The following LETM1 variants were observed in gnomAD, a reference collection of about 807,000 sequenced individuals.
LETM1 encodes the protein mitochondrial proton/calcium exchanger protein.
In LETM1, 50 loss-of-function variants were observed where a neutral mutation model predicts 74.5. The observed-to-expected ratio is 0.67, with a 90% CI of 0.53 to 0.85. The LOEUF is 0.85. Among genes scored for constraint, LETM1 ranks in the 40% least tolerant of loss-of-function variants. The pLI, the probability that LETM1 is intolerant of heterozygous loss-of-function variation, is 0.00. For synonymous variants in LETM1, 446 were observed against 407.1 expected, an observed-to-expected ratio of 1.10 and a Z score of -1.15; for missense variants, 824 against 967.8, an observed-to-expected ratio of 0.85 and a Z score of 1.97.
At chr4:1,829,747 G>A (rs1712202543) in intron 6 of LETM1, among the ~76,000 whole-genome samples, 1 of 152,182 alleles carries the variant, frequency 6.6e-6, no homozygotes, top group African/African-American at 2.4e-5. Flanking sequence ...TTGGGTCCAG[G>A]AGATCAAGGC....
chr4:1,833,952 G>A (rs1326580868), intron 5 of LETM1: 1 of 152,332 alleles, frequency 6.6e-6, no homozygotes, highest in South Asian at 2.1e-4. Flanking sequence ...AAGGCACGAT[G>A]TCCTGGGTGA....
Position 1,836,644 on chromosome 4 carries a change from C to T in LETM1, c.595-72G>A. 6.5e-7 allele frequency: 1 copy of T among 1,544,830 alleles called. No homozygotes were observed. The highest frequency in any genetic ancestry group is 8.9e-7 in the Non-Finnish European group (1 of 1,124,530). ...ACAAGGGCAAGGGGTGTGAGCATTT[C>T]TCCTATAATGGTTTATAGGCACAAC... On this transcript the variant is annotated intron_variant, in intron 3 of 13. Coordinates refer to ENST00000302787, the MANE Select transcript of LETM1 (RefSeq NM_012318.3). This position sits in a 1 kb window ranked among gnomAD's most constrained non-coding sequence, Gnocchi z 5.8.
At chr4:1,853,428 C>A (rs1269759608) in intron 1 of LETM1, among the ~76,000 whole-genome samples, 3 of 152,238 alleles carry the variant, frequency 2.0e-5, no homozygotes, top group Admixed American at 2.0e-4. Flanking sequence ...AGCATGGAGC[C>A]TCGGCGGGAT....
rs992213619 is a variant in LETM1, at chr4:1,832,790, C to T, written c.1034G>A (p.Arg345His). The T allele has an allele frequency of 2.5e-6, 4 of 1,614,216 alleles. No individual in the cohort carries two copies. Among genetic ancestry groups the T allele is most frequent in the Non-Finnish European group, 3.4e-6 (4 of 1,180,042 alleles). The change falls in exon 6 of 14, where the codon CGC becomes CAC. Residue 345 changes from arginine (R) to histidine (H), a missense_variant. Coordinates refer to ENST00000302787, the MANE Select transcript of LETM1 (RefSeq NM_012318.3). Reference protein sequence around the residue: ...LQSIGTNNFLRFQLTMRLRSI... With the variant: ...LQSIGTNNFLHFQLTMRLRSI... Reference sequence around the variant, plus strand: ...GCGCAGCCGCATGGTAAGCTGGAAGCGCAGGAAGTTGTTGGTGCCGATGGA... The same window carrying T: ...GCGCAGCCGCATGGTAAGCTGGAAGTGCAGGAAGTTGTTGGTGCCGATGGA...
intron 3 of LETM1, among the ~76,000 whole-genome samples, chr4:1,839,652 C>G (rs1431438297): frequency 6.6e-6 from 1 of 152,178 alleles, no homozygotes; most frequent in South Asian, 2.1e-4. Flanking sequence ...TGGGGGCAGG[C>G]CTCTGACCTC....
At chr4:1,851,165 G>C (rs766930947) in intron 1 of LETM1, among the ~76,000 whole-genome samples, 1 of 152,168 alleles carries the variant, frequency 6.6e-6, no homozygotes, top group Non-Finnish European at 1.5e-5. Flanking sequence ...ACAGGAATAG[G>C]AGCAGCAGGG....
In LETM1 at chr4:1,812,438, G is replaced by C. The variant is rs186321979; in HGVS notation, c.*1986C>G. 6 of 151,590 alleles carry C rather than the reference G, an allele frequency of 4.0e-5. No homozygotes were observed. In the East Asian group the frequency reaches 7.6e-4, roughly 19 times the overall value. The allele number at this position is 151,590 out of a possible 1,614,324, so 9.4% of individuals were successfully genotyped here. On this transcript the variant is annotated 3_prime_UTR_variant, in exon 14 of 14. Coordinates refer to ENST00000302787, the MANE Select transcript of LETM1 (RefSeq NM_012318.3). Reference sequence around the variant, plus strand: ...GAGGAAACACTGAATTCCTAAATCAGGAATTCGTTTCATTTTCACCAGGCG... The same window carrying C: ...GAGGAAACACTGAATTCCTAAATCACGAATTCGTTTCATTTTCACCAGGCG...
In LETM1 at chr4:1,836,793, G is replaced by A. The variant is rs1368717120; in HGVS notation, c.595-221C>T. Among the ~76,000 whole-genome samples, 2 of 152,162 alleles carry A rather than the reference G, an allele frequency of 1.3e-5. No homozygotes were observed. The highest frequency in any genetic ancestry group is 6.6e-5 in the Admixed American group (1 of 15,262). Reference sequence around the variant, plus strand: ...GGTACCAGCAGCCTCCAGAAAAGCAGGGTATGGTGCTGACACCAAGGGCCA... The same window carrying A: ...GGTACCAGCAGCCTCCAGAAAAGCAAGGTATGGTGCTGACACCAAGGGCCA... On this transcript the variant is annotated intron_variant, in intron 3 of 13. Transcript: ENST00000302787. The surrounding 1 kb of genome is among the most constrained non-coding windows in gnomAD (Gnocchi z 5.8).
intron 2 of LETM1, among the ~76,000 whole-genome samples, chr4:1,848,298 C>A (rs1347304452): frequency 1.3e-5 from 2 of 152,076 alleles, no homozygotes; most frequent in Non-Finnish European, 2.9e-5. Context: ...CCTGTAATCC[C>A]AGCACTTTGG....
At position 1,841,529 on chromosome 4, in the gene LETM1, C is replaced by T. The variant is rs756962449; in HGVS notation, c.412G>A (p.Gly138Ser). 8 of 1,614,104 alleles carry T rather than the reference C, an allele frequency of 5.0e-6. No individual in the cohort carries two copies. The highest frequency in any genetic ancestry group is 1.1e-5 in the South Asian group (1 of 91,090). ...TCTGCGGGGGGGCTGTACACCGGGC[C>T]GCCTTCCTCCAGCTTCTTGTTCTTG... ...KDKNKKLEEG[G>S]PVYSPPAEVV... Residue 138 changes from glycine to serine, a missense_variant, in exon 3 of 14, where the codon GGC (glycine) becomes AGC (serine). Around this residue, in one of 4 missense-constraint regions of LETM1, gnomAD observed 222 missense variants for 195.6 expected, o/e 1.14. Coordinates refer to ENST00000302787, the MANE Select transcript of LETM1 (RefSeq NM_012318.3).
At position 1,834,877 on chromosome 4, in the gene LETM1, C is replaced by A; in HGVS notation, c.844G>T (p.Ala282Ser). ...AAAAACACAGAGAAGTCTTTGGTGG[C>A]GCTGCCCTTGGCTGCCTTGTTCTTC... ...ALKNKAAKGSATKDFSVFFQK... is the reference protein window; with the variant it reads ...ALKNKAAKGSSTKDFSVFFQK... The change falls in exon 5 of 14, where the codon GCC (alanine) becomes TCC (serine). Residue 282 changes from alanine to serine, a missense_variant. Around this residue, in one of 4 missense-constraint regions of LETM1, gnomAD observed 269 missense variants for 348.8 expected, o/e 0.77. Coordinates refer to ENST00000302787, the MANE Select transcript of LETM1 (RefSeq NM_012318.3). The surrounding 1 kb of genome is among the most constrained non-coding windows in gnomAD (Gnocchi z 5.0). 1 of 1,614,156 alleles carries A rather than the reference C, an allele frequency of 6.2e-7. No homozygotes were observed. Among genetic ancestry groups the A allele is most frequent in the Non-Finnish European group, 8.5e-7 (1 of 1,179,998 alleles).
rs906260858 is a variant in LETM1 at position 1,823,727 on chromosome 4, G to A, written c.1249C>T (p.Leu417=). The change falls in exon 8 of 14, where the codon CTG becomes TTG. Residue 417 remains leucine (L), a synonymous_variant. Coordinates refer to ENST00000302787, the MANE Select transcript of LETM1 (RefSeq NM_012318.3). ...HQEIPTSLLI[L]SRAMYLPDTL... ...TCCGGGAGGTACATGGCCCGGGACAGGATGAGCAGCGATGTGGGGATCTCC... is the reference window on the plus strand; with the variant it reads ...TCCGGGAGGTACATGGCCCGGGACAAGATGAGCAGCGATGTGGGGATCTCC... The A allele has an allele frequency of 1.9e-6, 3 of 1,613,706 alleles. No homozygotes were observed. Among genetic ancestry groups the A allele is most frequent in the Non-Finnish European group, 2.5e-6 (3 of 1,179,892 alleles).
chr4:1,834,420 C>A lies in LETM1; in HGVS notation c.876+425G>T, dbSNP rs79816245. The A allele has an allele frequency of 2.2e-3, 2,216 of 998,040 alleles. 54 individuals carry two copies. In the Admixed American group the frequency reaches 0.048, roughly 22 times the overall value. 61.8% of individuals were successfully genotyped at this position (998,040 alleles called of 1,614,324 possible). A position where few individuals can be genotyped will look rare whatever the true frequency, so the allele number is the denominator to read the frequency against. On this transcript the variant is annotated intron_variant, in intron 5 of 13. Coordinates refer to ENST00000302787, the MANE Select transcript of LETM1 (RefSeq NM_012318.3). The surrounding 1 kb of genome is among the most constrained non-coding windows in gnomAD (Gnocchi z 5.0). ...AAGGGCCGCTCCTCCTCTCCAGCCC[C>A]CACTGCTCCCACAGTCCAGGCCTCT...
chr4:1,822,199 C>A lies in LETM1; in HGVS notation c.1590G>T (p.Pro530=). The A allele has an allele frequency of 6.8e-7, 1 of 1,472,248 alleles. No homozygotes were observed. The highest frequency in any genetic ancestry group is 1.8e-4 in the Middle Eastern group (1 of 5,544). The allele number at this position is 1,472,248 out of a possible 1,614,324, so 91.2% of individuals were successfully genotyped here. ...TCATTACCTTCAAGCCCTCCAGCAC[C>A]GGGGCAGTGTCCTTCAAGGTCTCTG... ...LQSETLKDTA[P]VLEGLKEEEI... The change falls in exon 10 of 14, where the codon CCG becomes CCT. Residue 530 remains proline, a synonymous_variant. Coordinates refer to ENST00000302787, the MANE Select transcript of LETM1 (RefSeq NM_012318.3).
In LETM1 at chr4:1,836,547, A is replaced by G; in HGVS notation, c.620T>C (p.Phe207Ser). ...GAACACAAGGAACGGCACCAGGCGG[A>G]AGAGGTCAGCGCAGATCCGGAGAAA... ...RQFLRICADL[F>S]RLVPFLVFVV... The change falls in exon 4 of 14, where the codon TTC becomes TCC. Residue 207 changes from phenylalanine (F) to serine (S), a missense_variant. Transcript: ENST00000302787. This position sits in a 1 kb window ranked among gnomAD's most constrained non-coding sequence, Gnocchi z 5.8. 2 of 1,613,934 alleles carry G rather than the reference A, an allele frequency of 1.2e-6. No individual in the cohort carries two copies. The highest frequency in any genetic ancestry group is 1.7e-6 in the Non-Finnish European group (2 of 1,180,002).
At position 1,825,712 on chromosome 4, in the gene LETM1, T is replaced by A. The variant is rs1711964732; in HGVS notation, c.1081-29A>T. 1.9e-6 allele frequency: 3 copies of A among 1,588,176 alleles called. No individual in the cohort carries two copies. The African/African-American group carries it at 4.0e-5, about 21-fold the overall frequency. On this transcript the variant is annotated intron_variant, in intron 6 of 13. Transcript: ENST00000302787. ...GAAAACAAAGCAGTGAATTATCATC[T>A]GGGACAGTTGCTGGTGGGTGACAGT...
In LETM1 at chr4:1,836,413, G is replaced by A. The variant is rs377024572; in HGVS notation, c.738+16C>T. ...CAGACTCATTCTAAAACAAGCAGTT[G>A]GGATGCTGCCCTTACCTTGAGTGAC... is the stretch of plus-strand genomic sequence containing the variant. On this transcript the variant is annotated intron_variant, in intron 4 of 13. Coordinates refer to ENST00000302787, the MANE Select transcript of LETM1 (RefSeq NM_012318.3). The surrounding 1 kb of genome is among the most constrained non-coding windows in gnomAD (Gnocchi z 5.8). 5.0e-5 allele frequency: 80 copies of A among 1,613,104 alleles called. No individual in the cohort carries two copies. The highest frequency in any genetic ancestry group is 6.7e-5 in the Non-Finnish European group (79 of 1,179,390).
At chr4:1,854,651 G>A (rs1429554533) in intron 1 of LETM1, among the ~76,000 whole-genome samples, 1 of 152,020 alleles carries the variant, frequency 6.6e-6, no homozygotes, top group Non-Finnish European at 1.5e-5. Context: ...AAATTAGCCA[G>A]TCGTGATGGC....
At chr4:1,839,799 G>A (rs1391060969) in intron 3 of LETM1, among the ~76,000 whole-genome samples, 2 of 152,226 alleles carry the variant, frequency 1.3e-5, no homozygotes, top group African/African-American at 4.8e-5. Context: ...TGGGTTCAAG[G>A]AGCTTCCAGA....
Sources: gnomAD v4.1 joint callset for allele counts (sites outside exome capture counted in the v4.1 genomes callset) on GRCh38, gnomAD v4.1.1 for gene constraint, gnomAD v4.1.1 regional missense constraint, Gnocchi (gnomAD v3.1) non-coding constraint, MANE v1.5 for transcripts, NCBI Gene and HGNC (gene_info 2026-07-23, HGNC 2026-07-21) for gene names.